The following ABCG1 variants were observed in gnomAD, a reference collection of about 807,000 sequenced individuals.
ABCG1 encodes ATP-binding cassette sub-family G member 1.
ABCG1 carries 29 observed loss-of-function variants against 69.2 expected under a neutral mutation model. The observed-to-expected ratio is 0.42, with a 90% CI of 0.31 to 0.57. The LOEUF (loss-of-function observed/expected upper bound fraction) is 0.57. ABCG1 is among the 20% of genes least tolerant of loss of function. The probability of loss-of-function intolerance (pLI) is 0.15; values close to 1 mark genes in which losing one functional copy is unlikely to be tolerated. For synonymous variants in ABCG1, 370 were observed against 374.8 expected (o/e 0.99, Z 0.15); for missense variants, 718 against 898.1 (o/e 0.80, Z 2.56).
intron 2 of ABCG1, among the ~76,000 whole-genome samples, chr21:42,253,427 G>T (rs1012476927): frequency 1.3e-5 from 2 of 152,176 alleles, no homozygotes; most frequent in African/African-American, 4.8e-5. Flanking sequence ...CCATCATGTG[G>T]GTTCTGCTTC....
chr21:42,253,024 C>G (rs1007692244), intron 2 of ABCG1, among the ~76,000 whole-genome samples: 3 of 152,168 alleles, frequency 2.0e-5, no homozygotes, highest in Admixed American at 2.0e-4. Flanking sequence ...CCAGTCTCGG[C>G]ACGCCTGGAT....
upstream of ABCG1, among the ~76,000 whole-genome samples, chr21:42,212,867 G>A (rs1305964972): frequency 6.6e-6 from 1 of 152,056 alleles, no homozygotes; most frequent in East Asian, 1.9e-4. Context: ...CTAATTTTTT[G>A]TATTTTTAGT....
upstream of ABCG1, among the ~76,000 whole-genome samples, chr21:42,217,731 AC>A (rs575716549): frequency 1.6e-4 from 18 of 111,272 alleles, no homozygotes; most frequent in African/African-American, 6.1e-4. Context: ...TCACTCTGTC[AC>A]CCCGGCTGGA....
In ABCG1 at chr21:42,289,950, G is replaced by A. The variant is rs942245527; in HGVS notation, c.1225-100G>A. 3.7e-6 allele frequency: 5 copies of A among 1,364,050 alleles called. No individual in the cohort carries two copies. The Admixed American group carries it at 5.5e-5, about 15-fold the overall frequency. The allele number at this position is 1,364,050 out of a possible 1,614,324, so 84.5% of individuals were successfully genotyped here. A position where few individuals can be genotyped will look rare whatever the true frequency, so the allele number is the denominator to read the frequency against. The stretch of plus-strand genomic sequence containing the variant: ...ATAAAGTCTAAGACGTGCTGTCACA[G>A]AGTTCAGGGTCCCATGCTTCCAAAG... On this transcript the variant is annotated intron_variant, in intron 10 of 14. Coordinates refer to ENST00000398449, the MANE Select transcript of ABCG1 (RefSeq NM_016818.3).
upstream of ABCG1, among the ~76,000 whole-genome samples, chr21:42,214,907 G>A (rs1247343233): frequency 6.6e-6 from 1 of 152,240 alleles, no homozygotes; most frequent in African/African-American, 2.4e-5. Context: ...GAGGAGCTGG[G>A]CAAAGGGGCA....
At position 42,291,483 on chromosome 21, in the gene ABCG1, G is replaced by A; in HGVS notation, c.1495-15G>A. The A allele has an allele frequency of 6.2e-7, 1 of 1,601,468 alleles. No individual in the cohort carries two copies. Among genetic ancestry groups the A allele is most frequent in the African/African-American group, 1.3e-5 (1 of 74,860 alleles). Reference sequence around the variant, plus strand: ...GAAGCGGCTGAGCCCGCGGCTGACGGGTCCTTGTTTCCAGATCATGTTCCC... The same window carrying A: ...GAAGCGGCTGAGCCCGCGGCTGACGAGTCCTTGTTTCCAGATCATGTTCCC... On this transcript the variant is annotated splice_polypyrimidine_tract_variant and intron_variant, in intron 12 of 14. Transcript: ENST00000398449. The surrounding 1 kb of genome is among the most constrained non-coding windows in gnomAD (Gnocchi z 6.4).
At chr21:42,245,943 G>A (rs570551254) in intron 2 of ABCG1, among the ~76,000 whole-genome samples, 5 of 152,272 alleles carry the variant, frequency 3.3e-5, no homozygotes, top group South Asian at 2.1e-4. Flanking sequence ...CCACATGGCC[G>A]GCTTCCCTTC....
chr21:42,231,073 T>C (rs1021952800), intron 2 of ABCG1, among the ~76,000 whole-genome samples: 5 of 152,244 alleles, frequency 3.3e-5, no homozygotes, highest in African/African-American at 1.2e-4. Flanking sequence ...TATTTTCCTT[T>C]TAATTGGCCT....
At position 42,262,601 on chromosome 21, in the gene ABCG1, A is replaced by G. The variant is rs141206452; in HGVS notation, c.287-8469A>G. Among the ~76,000 whole-genome samples, 380 of 152,312 alleles carry G rather than the reference A, an allele frequency of 2.5e-3. 1 individual carries two copies. The highest frequency in any genetic ancestry group is 8.4e-3 in the African/African-American group (349 of 41,564). ...GGATTGAGCTGACTGTATTGATTCAATGGGAATATGCCCACTCGGAGGAGG... is the reference window on the plus strand; with the variant it reads ...GGATTGAGCTGACTGTATTGATTCAGTGGGAATATGCCCACTCGGAGGAGG... On this transcript the variant is annotated intron_variant, in intron 2 of 14. Transcript: ENST00000398449.
At chr21:42,266,731 A>G (rs182006070) in intron 2 of ABCG1, among the ~76,000 whole-genome samples, 30 of 152,342 alleles carry the variant, frequency 2.0e-4, no homozygotes, top group Admixed American at 1.8e-3. Flanking sequence ...TCACAGGCTC[A>G]TAGAGCATTT....
Position 42,290,083 on chromosome 21 carries a change from G to A in ABCG1, c.1258G>A (p.Gly420Arg), listed in dbSNP as rs766775708. 6.2e-7 allele frequency: 1 copy of A among 1,614,190 alleles called. No homozygotes were observed. Among genetic ancestry groups the A allele is most frequent in the South Asian group, 1.1e-5 (1 of 91,082 alleles). The change falls in exon 11 of 15, where the codon GGG (glycine) becomes AGG (arginine). Residue 420 changes from glycine (G) to arginine (R), a missense_variant. Around this residue, in one of 2 missense-constraint regions of ABCG1, gnomAD observed 514 missense variants for 574.3 expected, o/e 0.90. Coordinates refer to ENST00000398449, the MANE Select transcript of ABCG1 (RefSeq NM_016818.3). ...ACACCTGCGCATCACCTCGCACATT[G>A]GGATCGGCCTCCTCATTGGCCTGCT... ...LTHLRITSHIGIGLLIGLLYL... is the reference protein window; with the variant it reads ...LTHLRITSHIRIGLLIGLLYL...
rs759418889 is a variant in ABCG1, at chr21:42,284,542, G to T, written c.735-18G>T. ...TCCTGCCGCCCGCAGGCGTCTCACG[G>T]TGCCTCTTGACTTGCAGCGGCCTGG... is the stretch of plus-strand genomic sequence containing the variant. On this transcript the variant is annotated intron_variant, in intron 6 of 14. Transcript: ENST00000398449. The T allele has an allele frequency of 6.2e-7, 1 of 1,611,640 alleles. No homozygotes were observed. Among genetic ancestry groups the T allele is most frequent in the South Asian group, 1.1e-5 (1 of 91,070 alleles).
At chr21:42,220,422 A>G (rs950659987) in intron 1 of ABCG1, among the ~76,000 whole-genome samples, 7 of 127,202 alleles carry the variant, frequency 5.5e-5, no homozygotes, top group Admixed American at 1.5e-4. Flanking sequence ...AGCTCAAGAG[A>G]AAAAAAAAAA....
intron 1 of ABCG1, among the ~76,000 whole-genome samples, chr21:42,201,188 T>C (rs2067503580): frequency 6.6e-6 from 1 of 152,172 alleles, no homozygotes; most frequent in East Asian, 1.9e-4. Context: ...CTCTGTGCAG[T>C]CAAACCTCTC....
Position 42,240,630 on chromosome 21 carries a change from T to C in ABCG1, c.286+14716T>C, listed in dbSNP as rs146152112. ...ACCCGGCTAATTTTTGTGTTTTTAG[T>C]AGAGATGGGGTTTCGCCATGTTGGC... On this transcript the variant is annotated intron_variant, in intron 2 of 14. Coordinates refer to ENST00000398449, the MANE Select transcript of ABCG1 (RefSeq NM_016818.3). 2.8e-3 allele frequency among the ~76,000 whole-genome samples: 434 copies of C among 152,348 alleles called. 1 individual carries two copies. Among genetic ancestry groups the C allele is most frequent in the African/African-American group, 0.01 (417 of 41,580 alleles).
At chr21:42,211,130 T>G (rs959772370), upstream of ABCG1, among the ~76,000 whole-genome samples, 5 of 152,058 alleles carry the variant, frequency 3.3e-5, no homozygotes, top group African/African-American at 9.7e-5. Flanking sequence ...TAGCTAATTT[T>G]TGTATTTTTA....
intron 1 of ABCG1, among the ~76,000 whole-genome samples, chr21:42,221,606 G>A (rs113590883): frequency 9.8e-5 from 15 of 152,334 alleles, no homozygotes; most frequent in African/African-American, 3.6e-4. Context: ...TCAGTTCAGG[G>A]TATGATGCCT....
At chr21:42,260,210 T>G (rs1224561529) in intron 2 of ABCG1, 2 of 1,547,238 alleles carry the variant, frequency 1.3e-6, no homozygotes, top group Non-Finnish European at 1.7e-6. Context: ...GAGTAGATGC[T>G]CACTTCAACC....
intron 5 of ABCG1, among the ~76,000 whole-genome samples, chr21:42,277,613 C>A (rs935237850): frequency 6.6e-6 from 1 of 152,214 alleles, no homozygotes; most frequent in Non-Finnish European, 1.5e-5. Context: ...GTCCTCCTCT[C>A]CACTGCAGCT....
Sources: allele counts gnomAD v4.1 joint callset (sites outside exome capture counted in the v4.1 genomes callset), GRCh38; gene constraint gnomAD v4.1.1; regional missense constraint gnomAD v4.1.1; non-coding constraint Gnocchi (gnomAD v3.1); transcripts MANE v1.5; gene names NCBI Gene and HGNC (gene_info 2026-07-23, HGNC 2026-07-21).